Variants in PCED1B observed in about 807,000 individuals in gnomAD.
The protein encoded by PCED1B is PC-esterase domain containing 1B.
For synonymous variants in PCED1B, 251 were observed against 246.1 expected (o/e 1.02, Z -0.19); for missense variants, 573 against 573.9 (o/e 1.00, Z 0.02).
At chr12:47,140,142 C>T (rs1940539887) in intron 2 of PCED1B, among the ~76,000 whole-genome samples, 1 of 152,152 alleles carries the variant, frequency 6.6e-6, no homozygotes, top group African/African-American at 2.4e-5. Context: ...TGTTACTGCA[C>T]ATTAATGAGG....
intron 2 of PCED1B, among the ~76,000 whole-genome samples, chr12:47,191,023 G>A (rs74944950): frequency 6.6e-4 from 100 of 152,252 alleles, no homozygotes; most frequent in African/African-American, 2.3e-3. Context: ...CAGCCCCTGG[G>A]GGTCAGGATA....
chr12:47,138,214 A>T (rs1011276096), intron 2 of PCED1B: 6 of 152,132 alleles, frequency 3.9e-5, no homozygotes, highest in Non-Finnish European at 8.8e-5. Flanking sequence ...ACGTACACAT[A>T]CTCAGATATT....
chr12:47,140,315 T>C (rs1940547392), intron 2 of PCED1B, among the ~76,000 whole-genome samples: 1 of 152,208 alleles, frequency 6.6e-6, no homozygotes, highest in African/African-American at 2.4e-5. Flanking sequence ...AATAAATCCA[T>C]AATTTAAATA....
chr12:47,235,316 G>T lies in PCED1B; in HGVS notation c.253G>T (p.Asp85Tyr), dbSNP rs892826019. ...CCGTGAGGTCCGCGAGTTCCGCTCC[G>T]ACCACCATCTGGTACGTTTTTACTT... Reference protein sequence around the residue: ...NYREVREFRSDHHLVRFYFLT... With the variant: ...NYREVREFRSYHHLVRFYFLT... Residue 85 changes from aspartate (D) to tyrosine (Y), a missense_variant, in exon 4 of 4, where the codon GAC becomes TAC. By Grantham distance (160) the Asp-to-Tyr change is radical (BLOSUM62 -3). Transcript: ENST00000546455. The T allele has an allele frequency of 1.2e-5, 19 of 1,613,888 alleles. No individual in the cohort carries two copies. The highest frequency in any genetic ancestry group is 8.3e-5 in the Admixed American group (5 of 60,012).
At position 47,223,112 on chromosome 12, in the gene PCED1B, AAG is replaced by A. The variant is rs377711497; in HGVS notation, c.-58+6439_-58+6440del. On this transcript the variant is annotated intron_variant, in intron 3 of 3. Coordinates refer to ENST00000546455, the MANE Select transcript of PCED1B (RefSeq NM_138371.3). ...CTGGAAGGGAGGGAGAAATAAGAAAAAGAGAGAGAGAGAGAGAAAGACCAACA... is the reference window on the plus strand; with the variant it reads ...CTGGAAGGGAGGGAGAAATAAGAAAAAGAGAGAGAGAGAGAAAGACCAACA... 1.2e-4 allele frequency among the ~76,000 whole-genome samples: 18 copies of A among 151,572 alleles called. 1 individual carries two copies. The South Asian group carries it at 3.3e-3, about 28-fold the overall frequency.
intron 2 of PCED1B, among the ~76,000 whole-genome samples, chr12:47,204,630 T>C (rs1355569449): frequency 1.3e-5 from 2 of 152,170 alleles, no homozygotes; most frequent in East Asian, 3.9e-4. Context: ...GAAGTGTGTA[T>C]TATGCTGTTA....
chr12:47,185,728 G>C (rs1942235972), intron 2 of PCED1B, among the ~76,000 whole-genome samples: 1 of 151,432 alleles, frequency 6.6e-6, no homozygotes, highest in Admixed American at 6.6e-5. Flanking sequence ...GGTGGAGGTT[G>C]CAGTGAGCTG....
chr12:47,136,535 A>G (rs1940380351), intron 2 of PCED1B, among the ~76,000 whole-genome samples: 1 of 152,212 alleles, frequency 6.6e-6, no homozygotes, highest in Non-Finnish European at 1.5e-5. Context: ...CCAAATATTC[A>G]TGCCTTTATG....
chr12:47,181,114 G>A (rs1942081320), intron 2 of PCED1B, among the ~76,000 whole-genome samples: 1 of 151,836 alleles, frequency 6.6e-6, no homozygotes, highest in Non-Finnish European at 1.5e-5. Flanking sequence ...CTCCTGGGTA[G>A]CTGGGACTAC....
intron 2 of PCED1B, among the ~76,000 whole-genome samples, chr12:47,198,254 T>A (rs1942665439): frequency 6.6e-6 from 1 of 152,208 alleles, no homozygotes; most frequent in Non-Finnish European, 1.5e-5. Flanking sequence ...TGAAAATCAT[T>A]AATGTAATTT....
intron 2 of PCED1B, among the ~76,000 whole-genome samples, chr12:47,121,225 G>A (rs745967486): frequency 5.3e-5 from 8 of 152,176 alleles, no homozygotes; most frequent in Admixed American, 6.5e-5. Context: ...AAACAATCCC[G>A]GTGATACATT....
chr12:47,148,029 G>A (rs1428218841), intron 2 of PCED1B, among the ~76,000 whole-genome samples: 1 of 152,182 alleles, frequency 6.6e-6, no homozygotes, highest in Non-Finnish European at 1.5e-5. Flanking sequence ...CATAGTTCTG[G>A]AGGCTGGAGA....
At chr12:47,084,678 C>T (rs1338018869) in intron 1 of PCED1B, among the ~76,000 whole-genome samples, 4 of 152,202 alleles carry the variant, frequency 2.6e-5, no homozygotes, top group African/African-American at 9.7e-5. Flanking sequence ...GAAAGACCTG[C>T]ATAGGTTAGC....
At chr12:47,113,246 G>C (rs577373343) in intron 2 of PCED1B, among the ~76,000 whole-genome samples, 1 of 152,220 alleles carries the variant, frequency 6.6e-6, no homozygotes, top group South Asian at 2.1e-4. Flanking sequence ...TATCAGAGAC[G>C]GCTATGGAAA....
intron 2 of PCED1B, among the ~76,000 whole-genome samples, chr12:47,124,725 A>G (rs1457078937): frequency 6.6e-6 from 1 of 151,998 alleles, no homozygotes; most frequent in Non-Finnish European, 1.5e-5. Flanking sequence ...TTCTAAATAG[A>G]GTGTGGTAAT....
chr12:47,231,898 G>A (rs147702564), intron 3 of PCED1B, among the ~76,000 whole-genome samples: 68 of 152,272 alleles, frequency 4.5e-4, no homozygotes, highest in African/African-American at 1.5e-3. Flanking sequence ...AAGGGTTTCC[G>A]TCTTCACATT....
chr12:47,168,857 A>G (rs894623729), intron 2 of PCED1B, among the ~76,000 whole-genome samples: 23 of 152,070 alleles, frequency 1.5e-4, no homozygotes, highest in African/African-American at 5.3e-4. Context: ...GAGTTTTATT[A>G]GAGAATATAA....
intron 2 of PCED1B, among the ~76,000 whole-genome samples, chr12:47,151,896 C>T (rs10881054): frequency 2.0e-5 from 3 of 152,060 alleles, no homozygotes; most frequent in East Asian, 1.9e-4. Context: ...ACAGACACAC[C>T]GGAAGTAAGG....
At chr12:47,192,060 C>A (rs951054050) in intron 2 of PCED1B, among the ~76,000 whole-genome samples, 1 of 151,982 alleles carries the variant, frequency 6.6e-6, no homozygotes, top group Non-Finnish European at 1.5e-5. Context: ...TTCAATCCAC[C>A]CCGTATCACT....
Sources: allele counts gnomAD v4.1 joint callset (sites outside exome capture counted in the v4.1 genomes callset), GRCh38; gene constraint gnomAD v4.1.1; transcripts MANE v1.5; gene names NCBI Gene and HGNC (gene_info 2026-07-23, HGNC 2026-07-21).